The following ENTPD5 variants were observed in gnomAD, a reference collection of about 807,000 sequenced individuals.
The protein encoded by ENTPD5 is ectonucleoside triphosphate diphosphohydrolase 5 (inactive).
In ENTPD5, 49 loss-of-function variants were observed where a neutral mutation model predicts 60.2. The ratio of observed to expected loss-of-function variants is 0.81; its 90% CI spans 0.65 to 1.03. ENTPD5 has a LOEUF of 1.03. Among genes scored for constraint, ENTPD5 ranks in the 50% least tolerant of loss-of-function variants. The probability of loss-of-function intolerance (pLI) is 0.00; values close to 1 mark genes in which losing one functional copy is unlikely to be tolerated. For missense variants in ENTPD5, 480 were observed against 507.6 expected (o/e 0.95, Z 0.52); for synonymous variants, 187 against 185.4 (o/e 1.01, Z -0.07).
intron 7 of ENTPD5, 89 bp downstream of exon 7, chr14:73,977,210 C>T (rs1333067140): frequency 1.6e-6 from 2 of 1,254,482 alleles, no homozygotes; most frequent in Non-Finnish European, 2.3e-6. Flanking sequence ...CTCATTCCTT[C>T]TGTTTATTCC....
chr14:73,989,077 C>T (rs2058025876), intron 3 of ENTPD5, among the ~76,000 whole-genome samples: 1 of 151,968 alleles, frequency 6.6e-6, no homozygotes, highest in South Asian at 2.1e-4. Context: ...CCGCCTCGGC[C>T]TCCCAAAGTG....
rs764622935 is a variant in ENTPD5 at position 73,966,975 on chromosome 14, A to C, written c.1240T>G (p.Leu414Val). The C allele has an allele frequency of 6.2e-7, 1 of 1,614,218 alleles. No homozygotes were observed. The highest frequency in any genetic ancestry group is 1.1e-5 in the South Asian group (1 of 91,088). The change falls in exon 16 of 16, where the codon TTG (leucine) becomes GTG (valine). Residue 414 changes from leucine (L) to valine (V), a missense_variant. By Grantham distance (32) the Leu-to-Val change is conservative (BLOSUM62 1). Coordinates refer to ENST00000334696, the MANE Select transcript of ENTPD5 (RefSeq NM_001249.5). ...TGCAACAGGTGAAAGGTGGCCCCCA[A>C]GGCCCAGCCCGTCTCTATGTTGTTC... Reference protein sequence around the residue: ...KVNNIETGWALGATFHLLQSL... With the variant: ...KVNNIETGWAVGATFHLLQSL...
intron 6 of ENTPD5, among the ~76,000 whole-genome samples, chr14:73,980,068 T>C (rs1284119829): frequency 6.7e-6 from 1 of 150,234 alleles, no homozygotes; most frequent in Non-Finnish European, 1.5e-5. Flanking sequence ...TGCCTCAGCC[T>C]CCCCAGTAGC....
At chr14:73,975,468 G>A (rs1026676661) in intron 10 of ENTPD5, among the ~76,000 whole-genome samples, 3 of 143,710 alleles carry the variant, frequency 2.1e-5, no homozygotes, top group Non-Finnish European at 3.0e-5. Context: ...GCAGTGGTGT[G>A]ATCTCGGCTC....
intron 3 of ENTPD5, among the ~76,000 whole-genome samples, chr14:74,001,583 G>A (rs1266708117): frequency 2.1e-5 from 3 of 146,000 alleles, no homozygotes; most frequent in Non-Finnish European, 3.0e-5. Flanking sequence ...CAGGAGAATC[G>A]CTTGAACCTG....
At chr14:73,960,054 C>A (rs2056640470), downstream of ENTPD5, 1 of 1,003,474 alleles carries the variant, frequency 1.0e-6, no homozygotes, top group Non-Finnish European at 1.2e-6. Context: ...AAACAGCTGC[C>A]TGGGTGGTGG....
chr14:74,009,593 C>T (rs1244429273), intron 3 of ENTPD5, among the ~76,000 whole-genome samples: 1 of 151,004 alleles, frequency 6.6e-6, no homozygotes, highest in African/African-American at 2.5e-5. Flanking sequence ...AAATGCTTTC[C>T]TTCTAAATAC....
At chr14:74,008,528 G>C (rs1001667765) in intron 3 of ENTPD5, among the ~76,000 whole-genome samples, 1 of 151,952 alleles carries the variant, frequency 6.6e-6, no homozygotes, top group African/African-American at 2.4e-5. Context: ...CAAGTAGCTA[G>C]GACGATGGGT....
chr14:73,998,134 T>C (rs1228107130), intron 3 of ENTPD5, among the ~76,000 whole-genome samples: 2 of 152,120 alleles, frequency 1.3e-5, no homozygotes, highest in African/African-American at 4.8e-5. Context: ...AAGCAGGATG[T>C]TGGAAAACTG....
intron 3 of ENTPD5, among the ~76,000 whole-genome samples, chr14:73,999,743 G>A (rs923876248): frequency 1.3e-5 from 2 of 151,858 alleles, no homozygotes; most frequent in Admixed American, 6.6e-5. Flanking sequence ...AGTGAGCCAA[G>A]ATCAAGCCAC....
At chr14:73,987,515 A>T (rs2057951192) in intron 4 of ENTPD5, among the ~76,000 whole-genome samples, 1 of 151,946 alleles carries the variant, frequency 6.6e-6, no homozygotes, top group African/African-American at 2.4e-5. Context: ...CTATAAAAAA[A>T]TTTAAAAATG....
chr14:73,988,645 TTA>T (rs1225040926), intron 3 of ENTPD5, among the ~76,000 whole-genome samples: 1 of 152,182 alleles, frequency 6.6e-6, no homozygotes, highest in African/African-American at 2.4e-5. Context: ...TTTGTACCCA[TTA>T]ACCAAGTTCT....
chr14:73,961,694 C>A (rs774935324), downstream of ENTPD5: 18 of 1,612,700 alleles, frequency 1.1e-5, no homozygotes, highest in African/African-American at 2.7e-5. Flanking sequence ...GGAAGAAAAC[C>A]TTATTATTGG....
At chr14:73,996,121 C>T (rs1335057868) in intron 3 of ENTPD5, 1 of 985,114 alleles carries the variant, frequency 1.0e-6, no homozygotes, top group East Asian at 1.1e-4. Flanking sequence ...CTTGTGTCTG[C>T]CGGTTCCCTG....
chr14:73,993,179 G>A (rs1486761494), intron 3 of ENTPD5, among the ~76,000 whole-genome samples: 2 of 151,866 alleles, frequency 1.3e-5, no homozygotes, highest in Non-Finnish European at 2.9e-5. Context: ...TCTACCAAAA[G>A]TACAAAAATT....
chr14:73,974,117 A>C, intron 11 of ENTPD5, 139 bp from the exon 12 acceptor site: 1 of 669,706 alleles, frequency 1.5e-6, no homozygotes, highest in Non-Finnish European at 2.6e-6. Context: ...CCATGACAAC[A>C]TCCTGTGACA....
chr14:73,998,743 G>A (rs2058415211), intron 3 of ENTPD5, among the ~76,000 whole-genome samples: 1 of 152,150 alleles, frequency 6.6e-6, no homozygotes, highest in South Asian at 2.1e-4. Context: ...AATTAGGACA[G>A]GCAAGGAGTG....
At position 73,988,069 on chromosome 14, in the gene ENTPD5, G is replaced by T. The variant is rs1246877243; in HGVS notation, c.34C>A (p.Leu12Met). Residue 12 changes from leucine to methionine, a missense_variant, in exon 4 of 16, where the codon CTG becomes ATG. Transcript: ENST00000334696. The stretch of plus-strand genomic sequence containing the variant: ...GCGCTGCAAACACAGGATACCACCA[G>T]CATGAAAAAGACTGTGCCCCAAGAA... ...ATSWGTVFFM[L>M]VVSCVCSAVS... is the part of the protein sequence containing the mutation. 2 of 1,613,020 alleles carry T rather than the reference G, an allele frequency of 1.2e-6. No individual in the cohort carries two copies. The highest frequency in any genetic ancestry group is 8.5e-7 in the Non-Finnish European group (1 of 1,179,786).
intron 2 of ENTPD5, among the ~76,000 whole-genome samples, chr14:74,012,252 C>T (rs562455816): frequency 4.6e-5 from 7 of 151,718 alleles, no homozygotes; most frequent in African/African-American, 1.7e-4. Context: ...TTACACGTGC[C>T]CACCACCATC....
Sources: allele counts gnomAD v4.1 joint callset (sites outside exome capture counted in the v4.1 genomes callset), GRCh38; gene constraint gnomAD v4.1.1; transcripts MANE v1.5; gene names NCBI Gene and HGNC (gene_info 2026-07-23, HGNC 2026-07-21).